SMYD3: variants seen among roughly 807,000 people sequenced by gnomAD.
The protein encoded by SMYD3 is SET and MYND domain containing 3, also known as histone-lysine N-methyltransferase SMYD3.
Under a neutral mutation model 57.7 loss-of-function variants are expected in SMYD3, and 36 were observed. That is an observed-to-expected ratio of 0.62 (90% CI 0.48 to 0.82). The LOEUF is 0.82. Among genes scored for constraint, SMYD3 ranks in the 40% least tolerant of loss-of-function variants. The pLI is 0.00. For synonymous variants in SMYD3, 211 were observed against 195.0 expected, an observed-to-expected ratio of 1.08 and a Z score of -0.68; for missense variants, 515 against 538.8, an observed-to-expected ratio of 0.96 and a Z score of 0.44.
In SMYD3 at chr1:246,013,826, A is replaced by G. The variant is rs545755895; in HGVS notation, c.532-83889T>C. On this transcript the variant is annotated intron_variant, in intron 5 of 11. Transcript: ENST00000490107. ...GTGTTTTTTGTACTGTCCCTGTCACATAGCATCAAACATCCACATTCCTGC... is the reference window on the plus strand; with the variant it reads ...GTGTTTTTTGTACTGTCCCTGTCACGTAGCATCAAACATCCACATTCCTGC... 2.6e-5 allele frequency among the ~76,000 whole-genome samples: 4 copies of G among 152,346 alleles called. No homozygotes were observed. In the South Asian group the frequency reaches 8.3e-4, roughly 32 times the overall value.
At chr1:245,809,594 A>G (rs953119387) in intron 10 of SMYD3, among the ~76,000 whole-genome samples, 2 of 152,246 alleles carry the variant, frequency 1.3e-5, no homozygotes, top group Non-Finnish European at 1.5e-5. Flanking sequence ...CAAGGAGTGC[A>G]ACGTCAGGAA....
At chr1:246,179,680 A>C (rs1036433362) in intron 5 of SMYD3, among the ~76,000 whole-genome samples, 2 of 152,222 alleles carry the variant, frequency 1.3e-5, no homozygotes, top group Admixed American at 6.5e-5. Flanking sequence ...CCAGATGGTC[A>C]GATATATATT....
intron 5 of SMYD3, among the ~76,000 whole-genome samples, chr1:246,151,707 C>T (rs1005290204): frequency 2.0e-5 from 3 of 152,154 alleles, no homozygotes; most frequent in Admixed American, 6.5e-5. Context: ...ACCCAAGTAT[C>T]TTTAAGGCCC....
chr1:246,376,619 A>T (rs1300057187), intron 1 of SMYD3, among the ~76,000 whole-genome samples: 1 of 151,244 alleles, frequency 6.6e-6, no homozygotes, highest in Non-Finnish European at 1.5e-5. Context: ...AACTAAACAT[A>T]AATAAACCAG....
At chr1:246,128,477 TG>T (rs1441703448) in intron 5 of SMYD3, among the ~76,000 whole-genome samples, 1 of 152,240 alleles carries the variant, frequency 6.6e-6, no homozygotes, top group East Asian at 1.9e-4. Context: ...GTGCTTTCTA[TG>T]GGCCAGGCAC....
In SMYD3 at chr1:246,194,275, T is replaced by TG. The variant is rs139984395; in HGVS notation, c.531+132925_531+132926insC. On this transcript the variant is annotated intron_variant, in intron 5 of 11. Transcript: ENST00000490107. ...ACAGTTCTTGTGGGGTTTTTTTGTT[T>TG]TTTTTTTTTTGACATGGAGGCTCGC... 4.0e-3 allele frequency among the ~76,000 whole-genome samples: 602 copies of TG among 151,308 alleles called. 3 individuals are homozygous for TG. The highest frequency in any genetic ancestry group is 6.1e-3 in the Non-Finnish European group (412 of 67,694).
intron 1 of SMYD3, chr1:246,483,423 CA>C (rs1308132244): frequency 6.6e-6 from 1 of 152,188 alleles, no homozygotes; most frequent in Non-Finnish European, 1.5e-5. Flanking sequence ...AGACTAACAT[CA>C]AAACACTTAC....
chr1:246,052,441 G>C (rs1424045802), intron 5 of SMYD3: 1 of 152,078 alleles, frequency 6.6e-6, no homozygotes, highest in African/African-American at 2.4e-5. Context: ...AAAAAACCAA[G>C]GCTAATTAAA....
chr1:246,022,385 G>A (rs2059487305), intron 5 of SMYD3, among the ~76,000 whole-genome samples: 1 of 152,156 alleles, frequency 6.6e-6, no homozygotes, highest in East Asian at 1.9e-4. Flanking sequence ...GAGAACTACA[G>A]TGCACAGCGA....
intron 5 of SMYD3, among the ~76,000 whole-genome samples, chr1:246,105,979 T>C (rs1205389616): frequency 1.3e-5 from 2 of 152,204 alleles, no homozygotes; most frequent in East Asian, 3.8e-4. Context: ...TGAATGAAAT[T>C]GACAAACATT....
intron 1 of SMYD3, among the ~76,000 whole-genome samples, chr1:246,480,270 G>A (rs2068084163): frequency 6.6e-6 from 1 of 152,136 alleles, no homozygotes; most frequent in Admixed American, 6.5e-5. Context: ...AAAGCGTTGG[G>A]ATTACAGGAG....
intron 10 of SMYD3, among the ~76,000 whole-genome samples, chr1:245,773,535 G>A (rs2046423777): frequency 6.6e-6 from 1 of 152,172 alleles, no homozygotes; most frequent in Non-Finnish European, 1.5e-5. Flanking sequence ...TGTGGCGCAG[G>A]GGTGAGGACT....
At chr1:246,185,507 T>C (rs1168909833) in intron 5 of SMYD3, among the ~76,000 whole-genome samples, 2 of 112,238 alleles carry the variant, frequency 1.8e-5, no homozygotes, top group Non-Finnish European at 3.5e-5. Context: ...CAGGCTGGAG[T>C]GTGGAGTGCA....
At chr1:246,073,347 A>G (rs936151938) in intron 5 of SMYD3, among the ~76,000 whole-genome samples, 4 of 152,208 alleles carry the variant, frequency 2.6e-5, no homozygotes, top group Non-Finnish European at 5.9e-5. Context: ...TATTTTAAAT[A>G]TTTTTAAAAC....
intron 5 of SMYD3, among the ~76,000 whole-genome samples, chr1:246,009,071 T>C (rs1212397977): frequency 6.6e-6 from 1 of 152,170 alleles, no homozygotes; most frequent in African/African-American, 2.4e-5. Context: ...GACTGGCCCA[T>C]AGTCAACACT....
At chr1:246,299,899 T>C (rs201029612) in intron 5 of SMYD3, among the ~76,000 whole-genome samples, 11 of 47,434 alleles carry the variant, frequency 2.3e-4, no homozygotes, top group African/African-American at 1.2e-3. Flanking sequence ...GGCTGAAAAA[T>C]GACTACTAGG....
At chr1:246,464,834 T>C (rs528031739) in intron 1 of SMYD3, among the ~76,000 whole-genome samples, 1 of 152,352 alleles carries the variant, frequency 6.6e-6, no homozygotes, top group Admixed American at 6.5e-5. Context: ...TGTTTATTTA[T>C]TAGTACTAGC....
chr1:246,100,024 C>T (rs185750643), intron 5 of SMYD3, among the ~76,000 whole-genome samples: 29 of 152,258 alleles, frequency 1.9e-4, no homozygotes, highest in Admixed American at 4.6e-4. Flanking sequence ...TATATTCACT[C>T]TTCTTAATTG....
At chr1:246,336,139 TC>T (rs2065540316) in intron 2 of SMYD3, among the ~76,000 whole-genome samples, 1 of 152,186 alleles carries the variant, frequency 6.6e-6, no homozygotes. Context: ...TAAGCCATGA[TC>T]CTAGCCATGT....
Sources: gnomAD v4.1 joint callset for allele counts (sites outside exome capture counted in the v4.1 genomes callset) on GRCh38, gnomAD v4.1.1 for gene constraint, MANE v1.5 for transcripts, NCBI Gene and HGNC (gene_info 2026-07-23, HGNC 2026-07-21) for gene names.